Variants in LGALS8 observed in about 807,000 individuals in gnomAD.
The protein encoded by LGALS8 is galectin 8, also known as galectin-8.
Under a neutral mutation model 35.9 loss-of-function variants are expected in LGALS8, and 30 were observed. The ratio of observed to expected loss-of-function variants is 0.83; its 90% CI spans 0.62 to 1.13. The LOEUF (loss-of-function observed/expected upper bound fraction) is 1.13. Ranked by LOEUF, LGALS8 falls within the 50% of genes most tolerant of loss-of-function variation. The pLI, the probability that LGALS8 is intolerant of heterozygous loss-of-function variation, is 0.00. For missense variants in LGALS8, 366 were observed against 388.7 expected, an observed-to-expected ratio of 0.94 and a Z score of 0.49; for synonymous variants, 138 against 136.1, an observed-to-expected ratio of 1.01 and a Z score of -0.10.
In LGALS8 at chr1:236,548,600, T is replaced by C; in HGVS notation, c.*439T>C. On this transcript the variant is annotated 3_prime_UTR_variant, in exon 10 of 10. Coordinates refer to ENST00000366584, the MANE Select transcript of LGALS8 (RefSeq NM_201544.4). ...TCTGTGCGCTACTGCTGCGCACTGC[T>C]TTTTCTACAGGCATTACATCAACTC... The C allele has an allele frequency of 3.6e-6, 1 of 274,964 alleles. No homozygotes were observed. Among genetic ancestry groups the C allele is most frequent in the Non-Finnish European group, 6.8e-6 (1 of 148,114 alleles). 17.0% of individuals were successfully genotyped at this position (274,964 alleles called of 1,614,324 possible).
intron 8 of LGALS8, among the ~76,000 whole-genome samples, chr1:236,544,007 C>G (rs986045564): frequency 2.0e-5 from 3 of 151,822 alleles, no homozygotes; most frequent in African/African-American, 7.3e-5. Context: ...TGCAGTGTCA[C>G]AATCCCAGCA....
chr1:236,552,398 A>C lies in LGALS8; in HGVS notation c.*4237A>C. 5.1e-6 allele frequency: 1 copy of C among 195,774 alleles called. No homozygotes were observed. The highest frequency in any genetic ancestry group is 1.0e-5 in the Non-Finnish European group (1 of 97,446). The allele number at this position is 195,774 out of a possible 1,614,324, so 12.1% of individuals were successfully genotyped here. A position where few individuals can be genotyped will look rare whatever the true frequency, so the allele number is the denominator to read the frequency against. ...TCTCTTCCTTTAAAAAAAACCAATA[A>C]AATAAAATGCCGCATGCAAACTCAA... On this transcript the variant is annotated 3_prime_UTR_variant, in exon 10 of 10. Coordinates refer to ENST00000366584, the MANE Select transcript of LGALS8 (RefSeq NM_201544.4).
In LGALS8 at chr1:236,541,644, C is replaced by A; in HGVS notation, c.466-10C>A. 2.1e-6 allele frequency: 3 copies of A among 1,418,432 alleles called. No individual in the cohort carries two copies. Among genetic ancestry groups the A allele is most frequent in the Non-Finnish European group, 2.9e-6 (3 of 1,033,376 alleles). The allele number at this position is 1,418,432 out of a possible 1,614,324, so 87.9% of individuals were successfully genotyped here. A position where few individuals can be genotyped will look rare whatever the true frequency, so the allele number is the denominator to read the frequency against. On this transcript the variant is annotated splice_polypyrimidine_tract_variant and intron_variant, in intron 5 of 9. Transcript: ENST00000366584. ...GATGTTACAAATTAATCTTTATTAT[C>A]TTTTCTCAGGACTTACAAAGTACCC...
chr1:236,548,761 T>C lies in LGALS8; in HGVS notation c.*600T>C. 1 of 347,906 alleles carries C rather than the reference T, an allele frequency of 2.9e-6. No individual in the cohort carries two copies. Among genetic ancestry groups the C allele is most frequent in the Non-Finnish European group, 5.0e-6 (1 of 199,704 alleles). The allele number at this position is 347,906 out of a possible 1,614,324, so 21.6% of individuals were successfully genotyped here. On this transcript the variant is annotated 3_prime_UTR_variant, in exon 10 of 10. Coordinates refer to ENST00000366584, the MANE Select transcript of LGALS8 (RefSeq NM_201544.4). ...CGTATCCCATCACTGAGGACTGATG[T>C]TGACTGACATCATTTTCTTTATCGT...
chr1:236,543,432 C>T, intron 7 of LGALS8, 128 bp from the exon 8 acceptor site: 1 of 773,060 alleles, frequency 1.3e-6, no homozygotes, highest in Non-Finnish European at 2.3e-6. Flanking sequence ...CCAAGGCAGA[C>T]TGTCTCTCCC....
intron 2 of LGALS8, among the ~76,000 whole-genome samples, chr1:236,533,382 T>C (rs925008058): frequency 1.3e-5 from 2 of 151,838 alleles, no homozygotes; most frequent in Non-Finnish European, 2.9e-5. Flanking sequence ...TTGCCCAGGC[T>C]GGAGTGCAAT....
At chr1:236,523,420 A>C (rs1190354185), upstream of LGALS8, 2 of 154,816 alleles carry the variant, frequency 1.3e-5, no homozygotes, top group Non-Finnish European at 2.9e-5. Flanking sequence ...AGCGCCTCCA[A>C]GTCTCTTCTG....
intron 4 of LGALS8, among the ~76,000 whole-genome samples, chr1:236,539,390 G>A (rs868303277): frequency 2.6e-4 from 39 of 152,298 alleles, no homozygotes; most frequent in Middle Eastern, 3.4e-3. Context: ...GTTCATGATG[G>A]GAGGGTAAGT....
At chr1:236,547,955 A>G in intron 9 of LGALS8, 57 bp from the exon 10 acceptor site, 1 of 1,500,612 alleles carries the variant, frequency 6.7e-7, no homozygotes, top group Non-Finnish European at 9.2e-7. Flanking sequence ...AGCATGTAAC[A>G]AACACAAAAT....
At chr1:236,543,723 T>C in intron 8 of LGALS8, 75 bp downstream of exon 8, 1 of 1,035,736 alleles carries the variant, frequency 9.7e-7, no homozygotes, top group Non-Finnish European at 1.5e-6. Flanking sequence ...TGAACGGTCC[T>C]GTGAGCTGGA....
In LGALS8 at chr1:236,526,011, T is replaced by C; in HGVS notation, c.-60T>C. The C allele has an allele frequency of 7.2e-7, 1 of 1,383,988 alleles. No individual in the cohort carries two copies. The highest frequency in any genetic ancestry group is 1.0e-6 in the Non-Finnish European group (1 of 975,292). 85.7% of individuals were successfully genotyped at this position (1,383,988 alleles called of 1,614,324 possible). A position where few individuals can be genotyped will look rare whatever the true frequency, so the allele number is the denominator to read the frequency against. The stretch of plus-strand genomic sequence containing the variant: ...AATCCAGGTAACCTTTAAATGAAAC[T>C]TGCCTAAAATCTTAGGTCATACACA... On this transcript the variant is annotated 5_prime_UTR_variant, in exon 2 of 10. Transcript: ENST00000366584. This position sits in a 1 kb window ranked among gnomAD's most constrained non-coding sequence, Gnocchi z 4.6.
At position 236,544,842 on chromosome 1, in the gene LGALS8, T is replaced by C. The variant is rs1300647852; in HGVS notation, c.731T>C (p.Phe244Ser). 2 of 1,613,912 alleles carry C rather than the reference T, an allele frequency of 1.2e-6. No individual in the cohort carries two copies. Among genetic ancestry groups the C allele is most frequent in the Non-Finnish European group, 1.7e-6 (2 of 1,179,754 alleles). The change falls in exon 9 of 10, where the codon TTT becomes TCT. Residue 244 changes from phenylalanine to serine, a missense_variant. Coordinates refer to ENST00000366584, the MANE Select transcript of LGALS8 (RefSeq NM_201544.4). ...LNIKAFVRNS[F>S]LQESWGEEER... ...ATTAAAGCATTTGTAAGAAATTCTTTTCTTCAGGAGTCCTGGGGAGAAGAA... is the reference window on the plus strand; with the variant it reads ...ATTAAAGCATTTGTAAGAAATTCTTCTCTTCAGGAGTCCTGGGGAGAAGAA...
upstream of LGALS8, among the ~76,000 whole-genome samples, chr1:236,519,884 G>C (rs930479031): frequency 1.3e-5 from 2 of 150,786 alleles, no homozygotes; most frequent in Non-Finnish European, 2.9e-5. Context: ...TGGACTATAA[G>C]CAGCATTTTT....
chr1:236,527,943 C>T (rs1660909651), intron 2 of LGALS8, among the ~76,000 whole-genome samples: 1 of 151,354 alleles, frequency 6.6e-6, no homozygotes, highest in Non-Finnish European at 1.5e-5. Flanking sequence ...ACAGTGTTGG[C>T]CAGCCTAGTC....
intron 2 of LGALS8, chr1:236,536,165 A>G (rs980014331): frequency 6.6e-5 from 10 of 152,244 alleles, no homozygotes; most frequent in African/African-American, 2.4e-4. Context: ...CCACCAATTT[A>G]TAACCACTTT....
intron 4 of LGALS8, 45 bp downstream of exon 4, chr1:236,539,134 G>A (rs781701903): frequency 2.0e-6 from 3 of 1,469,718 alleles, no homozygotes; most frequent in South Asian, 1.1e-5. Context: ...TAGTGAGCAG[G>A]AGTGCACAGG....
chr1:236,537,421 AAT>A, intron 2 of LGALS8, 74 bp from the exon 3 acceptor site: 1 of 856,790 alleles, frequency 1.2e-6, no homozygotes, highest in South Asian at 1.4e-5. Context: ...CTCTATCAAT[AAT>A]GAGTGTGGGT....
Position 236,537,556 on chromosome 1 carries a change from AC to A in LGALS8, c.106del (p.Arg36ValfsTer21). ...QLDPGTLIVI[R>X]GHVPSDADRF... ...TGGATCCTGGAACTTTGATTGTGAT[AC>A]GTGGGCATGTTCCTAGTGACGCAGA... On this transcript the variant is annotated frameshift_variant, in exon 3 of 10. Transcript: ENST00000366584. LOFTEE classifies it high-confidence loss of function. 2.5e-6 allele frequency: 4 copies of A among 1,606,680 alleles called. No homozygotes were observed. Among genetic ancestry groups the A allele is most frequent in the Non-Finnish European group, 3.4e-6 (4 of 1,172,980 alleles).
At chr1:236,537,926 C>CCCT (rs1171178238) in intron 3 of LGALS8, among the ~76,000 whole-genome samples, 6 of 99,344 alleles carry the variant, frequency 6.0e-5, no homozygotes, top group Admixed American at 2.0e-4. Flanking sequence ...AGTGAGACCC[C>CCCT]CCATCTGTAA....
Sources: gnomAD v4.1 joint callset for allele counts (sites outside exome capture counted in the v4.1 genomes callset) on GRCh38, gnomAD v4.1.1 for gene constraint, Gnocchi (gnomAD v3.1) non-coding constraint, MANE v1.5 for transcripts, NCBI Gene and HGNC (gene_info 2026-07-23, HGNC 2026-07-21) for gene names.